The following RAB3B variants were observed in gnomAD, a reference collection of about 807,000 sequenced individuals.
The protein encoded by RAB3B is ras-related protein Rab-3B.
A neutral mutation model predicts 20.5 loss-of-function variants in RAB3B; 11 were observed. That is an observed-to-expected ratio of 0.54 (90% confidence interval 0.34 to 0.89). RAB3B has a LOEUF of 0.89. Ranked by LOEUF, RAB3B falls within the 40% of genes least tolerant of loss-of-function variation. The probability of loss-of-function intolerance (pLI) is 0.02; values close to 1 mark genes in which losing one functional copy is unlikely to be tolerated. For synonymous variants in RAB3B, 99 were observed against 106.3 expected, an observed-to-expected ratio of 0.93 and a Z score of 0.42; for missense variants, 225 against 280.9, an observed-to-expected ratio of 0.80 and a Z score of 1.42.
chr1:51,930,012 G>A (rs941227668), intron 4 of RAB3B, among the ~76,000 whole-genome samples: 8 of 152,198 alleles, frequency 5.3e-5, no homozygotes, highest in African/African-American at 1.4e-4. Context: ...AGAAGCCTAG[G>A]AGGAGAGATA....
chr1:51,947,741 C>G (rs1005800909), intron 2 of RAB3B, among the ~76,000 whole-genome samples: 1 of 152,108 alleles, frequency 6.6e-6, no homozygotes, highest in Non-Finnish European at 1.5e-5. Context: ...ACAATACACC[C>G]TCTCCCAGCT....
chr1:51,948,771 G>A (rs562800952), intron 2 of RAB3B, among the ~76,000 whole-genome samples: 2 of 152,238 alleles, frequency 1.3e-5, no homozygotes, highest in South Asian at 4.1e-4. Context: ...CACTCCCACT[G>A]TAATTTTGTA....
intron 2 of RAB3B, among the ~76,000 whole-genome samples, chr1:51,951,935 C>T (rs1684647413): frequency 6.6e-6 from 1 of 152,188 alleles, no homozygotes; most frequent in Non-Finnish European, 1.5e-5. Context: ...AAAGCGCCTC[C>T]CTGCCCTCTG....
rs1168362433 is a variant in RAB3B at position 51,908,337 on chromosome 1, T to C, written c.*11590A>G. On this transcript the variant is annotated 3_prime_UTR_variant, in exon 5 of 5. Coordinates refer to ENST00000371655, the MANE Select transcript of RAB3B (RefSeq NM_002867.4). ...TGCAGTTTTTGCTAATTGTTCCTCCTGAGGAATTCTGCTCATACTGCTATG... is the reference window on the plus strand; with the variant it reads ...TGCAGTTTTTGCTAATTGTTCCTCCCGAGGAATTCTGCTCATACTGCTATG... 1.3e-5 allele frequency: 2 copies of C among 152,130 alleles called. No individual in the cohort carries two copies. Among genetic ancestry groups the C allele is most frequent in the African/African-American group, 2.4e-5 (1 of 41,444 alleles). The allele number at this position is 152,130 out of a possible 1,614,324, so 9.4% of individuals were successfully genotyped here. A position where few individuals can be genotyped will look rare whatever the true frequency, so the allele number is the denominator to read the frequency against.
intron 2 of RAB3B, among the ~76,000 whole-genome samples, chr1:51,948,197 G>T (rs1377646116): frequency 6.6e-6 from 1 of 152,298 alleles, no homozygotes; most frequent in African/African-American, 2.4e-5. Context: ...ACTTAGGCTT[G>T]AAGAGGTGAA....
chr1:51,983,494 T>C (rs1033738412), intron 1 of RAB3B, among the ~76,000 whole-genome samples: 1 of 152,222 alleles, frequency 6.6e-6, no homozygotes, highest in African/African-American at 2.4e-5. Context: ...ACTATGTGTA[T>C]AGTAAGCTAT....
chr1:51,973,648 A>G (rs1175137024), intron 2 of RAB3B: 1 of 152,230 alleles, frequency 6.6e-6, no homozygotes, highest in Admixed American at 6.5e-5. Context: ...CATAGTCTTC[A>G]ATCAGAGGTT....
At chr1:51,941,174 T>G (rs1684488059) in intron 2 of RAB3B, among the ~76,000 whole-genome samples, 1 of 151,042 alleles carries the variant, frequency 6.6e-6, no homozygotes, top group Admixed American at 6.6e-5. Context: ...AGTAAAGGAG[T>G]GGTATTTTGG....
Position 51,951,815 on chromosome 1 carries a change from A to G in RAB3B, c.229-14403T>C, listed in dbSNP as rs143065757. ...GGTGACAGAGCAAGACAATGTCTCAAAAAAATAAATAAGTAAATTGGAGTC... is the reference window on the plus strand; with the variant it reads ...GGTGACAGAGCAAGACAATGTCTCAGAAAAATAAATAAGTAAATTGGAGTC... On this transcript the variant is annotated intron_variant, in intron 2 of 4. Transcript: ENST00000371655. Among the ~76,000 whole-genome samples the G allele has an allele frequency of 3.0e-4, 45 of 152,316 alleles. No homozygotes were observed. In the East Asian group the frequency reaches 6.9e-3, roughly 23 times the overall value.
chr1:51,933,502 C>T, intron 3 of RAB3B, 60 bp from the exon 4 acceptor site: 1 of 1,490,204 alleles, frequency 6.7e-7, no homozygotes, highest in Non-Finnish European at 9.2e-7. Flanking sequence ...TGTCTGTGTC[C>T]CCACCTCCAA....
At chr1:51,979,066 A>G (rs1685048085) in intron 1 of RAB3B, among the ~76,000 whole-genome samples, 1 of 152,056 alleles carries the variant, frequency 6.6e-6, no homozygotes, top group Non-Finnish European at 1.5e-5. Context: ...AATCTGCCCC[A>G]TGACAAGACT....
At chr1:51,956,173 C>A (rs528704792) in intron 2 of RAB3B, among the ~76,000 whole-genome samples, 13 of 152,298 alleles carry the variant, frequency 8.5e-5, no homozygotes, top group South Asian at 8.3e-4. Context: ...GCCTTGGATT[C>A]TCCTCTTTAA....
chr1:51,943,948 A>G (rs139649844), intron 2 of RAB3B, among the ~76,000 whole-genome samples: 17 of 152,370 alleles, frequency 1.1e-4, no homozygotes, highest in Non-Finnish European at 2.1e-4. Flanking sequence ...TGCTAAGATC[A>G]TTGATTAGGG....
rs1449811901 is a variant in RAB3B at position 51,915,599 on chromosome 1, A to G, written c.*4328T>C. On this transcript the variant is annotated 3_prime_UTR_variant, in exon 5 of 5. Coordinates refer to ENST00000371655, the MANE Select transcript of RAB3B (RefSeq NM_002867.4). ...ACTTTGTATTTACAGATACACATGCATTTAAAATAGATGTAAATAAACACA... is the reference window on the plus strand; with the variant it reads ...ACTTTGTATTTACAGATACACATGCGTTTAAAATAGATGTAAATAAACACA... 2.6e-5 allele frequency: 4 copies of G among 152,244 alleles called. No individual in the cohort carries two copies. Among genetic ancestry groups the G allele is most frequent in the Admixed American group, 2.6e-4 (4 of 15,278 alleles). The allele number at this position is 152,244 out of a possible 1,614,324, so 9.4% of individuals were successfully genotyped here.
intron 4 of RAB3B, among the ~76,000 whole-genome samples, chr1:51,923,376 G>A (rs1369784170): frequency 6.6e-6 from 1 of 152,170 alleles, no homozygotes; most frequent in Non-Finnish European, 1.5e-5. Flanking sequence ...CAGGGAAGGA[G>A]AGGAGGAGGA....
At chr1:51,969,329 G>A (rs1372115583) in intron 2 of RAB3B, among the ~76,000 whole-genome samples, 1 of 152,208 alleles carries the variant, frequency 6.6e-6, no homozygotes, top group East Asian at 1.9e-4. Context: ...AAAAAGAGCT[G>A]TTGGAGGAGG....
At chr1:51,968,689 C>A (rs1684888801) in intron 2 of RAB3B, among the ~76,000 whole-genome samples, 1 of 152,124 alleles carries the variant, frequency 6.6e-6, no homozygotes, top group Non-Finnish European at 1.5e-5. Flanking sequence ...TTGACATTCC[C>A]AGATTTAATA....
intron 1 of RAB3B, among the ~76,000 whole-genome samples, chr1:51,984,513 C>G (rs1288846669): frequency 2.0e-5 from 3 of 150,864 alleles, no homozygotes; most frequent in Non-Finnish European, 4.4e-5. Context: ...GCCTCAGCCT[C>G]CCAAGTAGCT....
chr1:51,928,667 G>T (rs1477883959), intron 4 of RAB3B, among the ~76,000 whole-genome samples: 1 of 152,100 alleles, frequency 6.6e-6, no homozygotes, highest in East Asian at 1.9e-4. Flanking sequence ...TCTTAACGTG[G>T]TCTACAAGAT....
Sources: gnomAD v4.1 joint callset for allele counts (sites outside exome capture counted in the v4.1 genomes callset) on GRCh38, gnomAD v4.1.1 for gene constraint, MANE v1.5 for transcripts, NCBI Gene and HGNC (gene_info 2026-07-23, HGNC 2026-07-21) for gene names.